ESRRG: variants seen among roughly 807,000 people sequenced by gnomAD.
ESRRG encodes the protein estrogen related receptor gamma, also known as estrogen-related receptor gamma.
A neutral mutation model predicts 44.0 loss-of-function variants in ESRRG; 13 were observed. That is an observed-to-expected ratio of 0.30 (90% CI 0.19 to 0.47). ESRRG has a LOEUF of 0.47. Ranked by LOEUF, ESRRG falls within the 20% of genes least tolerant of loss-of-function variation. The pLI is 1.00. For synonymous variants in ESRRG, 215 were observed against 214.6 expected, an observed-to-expected ratio of 1.00 and a Z score of -0.02; for missense variants, 395 against 580.6, an observed-to-expected ratio of 0.68 and a Z score of 3.29.
At chr1:216,566,102 A>G (rs888573715) in intron 4 of ESRRG, among the ~76,000 whole-genome samples, 1 of 152,104 alleles carries the variant, frequency 6.6e-6, no homozygotes, top group Non-Finnish European at 1.5e-5. Context: ...AGAAAATGGA[A>G]TAGCCGGCAG....
At chr1:216,623,753 G>A (rs984206962) in intron 3 of ESRRG, among the ~76,000 whole-genome samples, 2 of 152,074 alleles carry the variant, frequency 1.3e-5, no homozygotes, top group Non-Finnish European at 1.5e-5. Context: ...AACTAAATAT[G>A]AAAAATATAC....
rs191121499 is a variant in ESRRG at position 216,579,081 on chromosome 1, T to C, written c.590-10983A>G. ...GACACACTAAATAAGCAATGTTTCC[T>C]GTTCAATTTATTTCCATCTAGCATC... On this transcript the variant is annotated intron_variant, in intron 3 of 6. Coordinates refer to ENST00000408911, the MANE Select transcript of ESRRG (RefSeq NM_001438.4). Among the ~76,000 whole-genome samples the C allele has an allele frequency of 1.4e-4, 22 of 152,304 alleles. No homozygotes were observed. The East Asian group carries it at 4.1e-3, about 28-fold the overall frequency.
At chr1:216,510,882 A>G (rs1483554064) in intron 6 of ESRRG, among the ~76,000 whole-genome samples, 1 of 152,134 alleles carries the variant, frequency 6.6e-6, no homozygotes, top group African/African-American at 2.4e-5. Context: ...TCAAAAAAAA[A>G]AGAAGAAAAC....
At chr1:216,982,675 A>T (rs531269341) in intron 1 of ESRRG, among the ~76,000 whole-genome samples, 2 of 152,346 alleles carry the variant, frequency 1.3e-5, no homozygotes, top group East Asian at 1.9e-4. Context: ...TTCCAAACTT[A>T]AGTGTTTTTA....
chr1:216,900,414 T>G (rs2058937594), intron 2 of ESRRG, among the ~76,000 whole-genome samples: 1 of 152,132 alleles, frequency 6.6e-6, no homozygotes, highest in African/African-American at 2.4e-5. Flanking sequence ...CATGTTGGTG[T>G]TCAGGCTGCT....
intron 1 of ESRRG, among the ~76,000 whole-genome samples, chr1:217,113,161 T>C (rs771526163): frequency 6.6e-6 from 1 of 152,200 alleles, no homozygotes; most frequent in Non-Finnish European, 1.5e-5. Flanking sequence ...TCTGAGAAAG[T>C]AGCTCAGTTG....
chr1:216,719,754 G>A (rs1371241473), intron 1 of ESRRG, among the ~76,000 whole-genome samples: 1 of 151,932 alleles, frequency 6.6e-6, no homozygotes, highest in Non-Finnish European at 1.5e-5. Flanking sequence ...GAGAATTAAT[G>A]GATATCCACA....
intron 1 of ESRRG, among the ~76,000 whole-genome samples, chr1:216,703,687 GTT>G (rs1315191035): frequency 3.4e-5 from 5 of 148,858 alleles, no homozygotes; most frequent in African/African-American, 1.2e-4. Context: ...GTGTGTGTAT[GTT>G]TGTGTGTGTA....
At chr1:216,951,715 CTATGTGTGTG>C (rs1202915879) in intron 1 of ESRRG, among the ~76,000 whole-genome samples, 1 of 92,018 alleles carries the variant, frequency 1.1e-5, no homozygotes, top group South Asian at 4.3e-4. Flanking sequence ...GGAACTATCA[CTATGTGTGTG>C]TGTGTGTGTG....
rs2042050730 is a variant in ESRRG, at chr1:216,509,261, C to T, written c.1133-2078G>A. The stretch of plus-strand genomic sequence containing the variant: ...CCTCTAAACACATCCTATTCAAACT[C>T]CTATCTTCATCAGCTGTCTTCTTTA... On this transcript the variant is annotated intron_variant, in intron 6 of 6. Transcript: ENST00000408911. 2.6e-5 allele frequency among the ~76,000 whole-genome samples: 4 copies of T among 152,300 alleles called. No individual in the cohort carries two copies. The South Asian group carries it at 8.3e-4, about 32-fold the overall frequency.
chr1:216,808,672 C>G (rs2094875023), intron 2 of ESRRG, among the ~76,000 whole-genome samples: 1 of 152,114 alleles, frequency 6.6e-6, no homozygotes, highest in South Asian at 2.1e-4. Flanking sequence ...TATCTGCCTA[C>G]CTCAGCCTCC....
intron 1 of ESRRG, among the ~76,000 whole-genome samples, chr1:216,964,209 G>A (rs1221620136): frequency 1.3e-5 from 2 of 152,138 alleles, no homozygotes; most frequent in African/African-American, 2.4e-5. Flanking sequence ...TATCCTCAGA[G>A]CAAAGCAAAG....
chr1:216,689,887 T>C (rs1402166808), intron 1 of ESRRG, among the ~76,000 whole-genome samples: 1 of 152,070 alleles, frequency 6.6e-6, no homozygotes, highest in African/African-American at 2.4e-5. Flanking sequence ...ATTTTTAGAG[T>C]TCCTATTTCA....
intron 2 of ESRRG, among the ~76,000 whole-genome samples, chr1:216,880,217 G>A (rs1486985514): frequency 7.4e-6 from 1 of 134,606 alleles, no homozygotes; most frequent in Admixed American, 8.5e-5. Flanking sequence ...TGAGGCAGGA[G>A]AATTGCTTGA....
chr1:217,037,299 C>T (rs1250440242), intron 1 of ESRRG, among the ~76,000 whole-genome samples: 1 of 152,094 alleles, frequency 6.6e-6, no homozygotes, highest in South Asian at 2.1e-4. Context: ...GGAAACTGGG[C>T]AATTTATAAA....
At chr1:216,737,647 G>T (rs1201654159) in intron 2 of ESRRG, among the ~76,000 whole-genome samples, 1 of 152,082 alleles carries the variant, frequency 6.6e-6, no homozygotes, top group African/African-American at 2.4e-5. Context: ...GTATGTAAAA[G>T]CATAAACTTT....
chr1:216,656,199 T>G (rs2070512438), intron 2 of ESRRG, among the ~76,000 whole-genome samples: 1 of 152,080 alleles, frequency 6.6e-6, no homozygotes, highest in Non-Finnish European at 1.5e-5. Flanking sequence ...GACACGGAGT[T>G]TTCTTGGATT....
At position 217,096,172 on chromosome 1, in the gene ESRRG, C is replaced by G. The variant is rs12239838; in HGVS notation, c.-230+41495G>C. 6.0e-3 allele frequency among the ~76,000 whole-genome samples: 914 copies of G among 152,236 alleles called. 7 individuals carry two copies. Among genetic ancestry groups the G allele is most frequent in the African/African-American group, 0.021 (875 of 41,526 alleles). On this transcript the variant is annotated intron_variant, in intron 1 of 8. Transcript: ENST00000366940. ...TACATTTCTGAAAAAACCTATCCAC[C>G]TCAGAATTTTATTTTACATTGTGGG...
At chr1:216,758,965 T>C (rs1182582862) in intron 2 of ESRRG, among the ~76,000 whole-genome samples, 1 of 152,032 alleles carries the variant, frequency 6.6e-6, no homozygotes, top group East Asian at 1.9e-4. Flanking sequence ...TCAGATAAAG[T>C]AGCTAAGGCT....
Sources: gnomAD v4.1 joint callset for allele counts (sites outside exome capture counted in the v4.1 genomes callset) on GRCh38, gnomAD v4.1.1 for gene constraint, MANE v1.5 for transcripts, NCBI Gene and HGNC (gene_info 2026-07-23, HGNC 2026-07-21) for gene names.